The following PNLDC1 variants were observed in gnomAD, a reference collection of about 807,000 sequenced individuals.
PNLDC1 encodes PARN like ribonuclease domain containing exonuclease 1, also known as poly(A)-specific ribonuclease PNLDC1.
Under a neutral mutation model 82.0 loss-of-function variants are expected in PNLDC1, and 70 were observed. The observed-to-expected ratio is 0.85, with a 90% CI of 0.70 to 1.04. PNLDC1 has a LOEUF of 1.04. Ranked by LOEUF, PNLDC1 falls within the 50% of genes least tolerant of loss-of-function variation. The pLI is 0.00. For synonymous variants in PNLDC1, 280 were observed against 249.3 expected, an observed-to-expected ratio of 1.12 and a Z score of -1.16; for missense variants, 631 against 661.1, an observed-to-expected ratio of 0.95 and a Z score of 0.50.
chr6:159,803,049 A>G (rs908327839), intron 3 of PNLDC1, among the ~76,000 whole-genome samples: 1 of 152,184 alleles, frequency 6.6e-6, no homozygotes, highest in Non-Finnish European at 1.5e-5. Context: ...TATTTGAAGA[A>G]CAGGCCACAA....
At chr6:159,801,238 C>T (rs2115021876) in intron 3 of PNLDC1, 52 bp downstream of exon 3, 1 of 1,496,848 alleles carries the variant, frequency 6.7e-7, no homozygotes, top group Non-Finnish European at 9.3e-7. Context: ...TTTTATTGTC[C>T]TTGGATTTCC....
At chr6:159,800,047 A>G (rs979074853), upstream of PNLDC1, among the ~76,000 whole-genome samples, 1 of 152,228 alleles carries the variant, frequency 6.6e-6, no homozygotes, top group Non-Finnish European at 1.5e-5. Flanking sequence ...TAAGGGCTGC[A>G]AAGAAATTGC....
intron 10 of PNLDC1, among the ~76,000 whole-genome samples, chr6:159,811,403 A>AT (rs1411953692): frequency 6.6e-6 from 1 of 152,118 alleles, no homozygotes; most frequent in Non-Finnish European, 1.5e-5. Flanking sequence ...TAATACTTCT[A>AT]TTTTTAAGTC....
At chr6:159,803,678 A>AC (rs769783204) in intron 4 of PNLDC1, among the ~76,000 whole-genome samples, 3 of 151,476 alleles carry the variant, frequency 2.0e-5, no homozygotes, top group Admixed American at 6.6e-5. Context: ...ATGCCTCCCC[A>AC]CCCCCCATGA....
At chr6:159,813,784 C>T (rs541519399) in intron 12 of PNLDC1, 128 bp downstream of exon 12, 266 of 767,164 alleles carry the variant, frequency 3.5e-4, no homozygotes, top group Non-Finnish European at 4.5e-4. Context: ...TTGGTCTCCT[C>T]CAGCTCCTCC....
intron 9 of PNLDC1, 137 bp downstream of exon 9, chr6:159,809,295 A>G: frequency 8.5e-7 from 1 of 1,172,708 alleles, no homozygotes; most frequent in East Asian, 2.5e-5. Flanking sequence ...TTCATGTTTT[A>G]CTTTCAGATA....
chr6:159,807,704 A>G (rs1242462656), intron 7 of PNLDC1, among the ~76,000 whole-genome samples: 1 of 152,358 alleles, frequency 6.6e-6, no homozygotes, highest in East Asian at 1.9e-4. Context: ...TAAGAGATCT[A>G]TTCTAGGTGT....
At position 159,820,616 on chromosome 6, in the gene PNLDC1, C is replaced by T; in HGVS notation, c.*99C>T. 8.7e-7 allele frequency: 1 copy of T among 1,152,638 alleles called. No homozygotes were observed. Among genetic ancestry groups the T allele is most frequent in the Non-Finnish European group, 1.3e-6 (1 of 770,324 alleles). 71.4% of individuals were successfully genotyped at this position (1,152,638 alleles called of 1,614,324 possible). Reference sequence around the variant, plus strand: ...AATCAGATTCTGTTTGCAGATGGATCTGTTTGGTCTTTTCTAGAAATTCTG... The same window carrying T: ...AATCAGATTCTGTTTGCAGATGGATTTGTTTGGTCTTTTCTAGAAATTCTG... On this transcript the variant is annotated 3_prime_UTR_variant, in exon 19 of 19. Coordinates refer to ENST00000392167, the MANE Select transcript of PNLDC1 (RefSeq NM_001271862.2).
At chr6:159,812,460 G>C (rs887469113) in intron 11 of PNLDC1, among the ~76,000 whole-genome samples, 1 of 152,152 alleles carries the variant, frequency 6.6e-6, no homozygotes, top group African/African-American at 2.4e-5. Flanking sequence ...GAGCACTGGG[G>C]GGGAGGGGGT....
chr6:159,800,985 T>C, intron 2 of PNLDC1, 128 bp from the exon 3 acceptor site: 1 of 1,428,364 alleles, frequency 7.0e-7, no homozygotes, highest in Middle Eastern at 1.8e-4. Flanking sequence ...TAAATGATGG[T>C]AGTGCTCCCT....
chr6:159,813,761 G>C, intron 12 of PNLDC1, 105 bp downstream of exon 12: 2 of 992,088 alleles, frequency 2.0e-6, no homozygotes. Context: ...TCACAGTGAT[G>C]CCTGCTTGGG....
In PNLDC1 at chr6:159,809,149, A is replaced by G. The variant is rs1781559562; in HGVS notation, c.774A>G (p.Lys258=). The change falls in exon 9 of 19, where the codon AAA becomes AAG. Residue 258 remains lysine (K), a synonymous_variant. Coordinates refer to ENST00000392167, the MANE Select transcript of PNLDC1 (RefSeq NM_001271862.2). ...GFSVFFQMLV[K]AQKPLVGHNM... is the part of the protein sequence containing the mutation. ...CTGTCTTTTTCCAAATGCTGGTGAA[A>G]GCCCAGAAGGTAGGAAAACATGTCT... 2 of 1,613,802 alleles carry G rather than the reference A, an allele frequency of 1.2e-6. No individual in the cohort carries two copies. The highest frequency in any genetic ancestry group is 1.7e-5 in the Admixed American group (1 of 59,886).
intron 7 of PNLDC1, 63 bp from the exon 8 acceptor site, chr6:159,808,677 C>G: frequency 6.8e-7 from 1 of 1,474,324 alleles, no homozygotes; most frequent in South Asian, 1.2e-5. Context: ...TCCAGGGCTT[C>G]TCTTGTGGGG....
rs527366235 is a variant in PNLDC1, at chr6:159,813,956, C to G, written c.995+300C>G. Among the ~76,000 whole-genome samples the G allele has an allele frequency of 2.0e-5, 3 of 152,300 alleles. No individual in the cohort carries two copies. In the East Asian group the frequency reaches 5.8e-4, roughly 29 times the overall value. On this transcript the variant is annotated intron_variant, in intron 12 of 18. Transcript: ENST00000392167. Reference sequence around the variant, plus strand: ...CTGTCACCAGCAAATGGAGCACCTTCCCTGTGCAAGGCCAGGCAGGAGGAG... The same window carrying G: ...CTGTCACCAGCAAATGGAGCACCTTGCCTGTGCAAGGCCAGGCAGGAGGAG...
chr6:159,808,564 C>T (rs1781533769), intron 7 of PNLDC1, among the ~76,000 whole-genome samples, 176 bp from the exon 8 acceptor site: 1 of 152,216 alleles, frequency 6.6e-6, no homozygotes, highest in South Asian at 2.1e-4. Flanking sequence ...GAATGCTGCC[C>T]CAGATCCCAT....
Position 159,804,112 on chromosome 6 carries a change from G to A in PNLDC1, c.372+24G>A, listed in dbSNP as rs746249765. 22 of 1,610,224 alleles carry A rather than the reference G, an allele frequency of 1.4e-5. 1 individual carries two copies. The highest frequency in any genetic ancestry group is 1.2e-4 in the South Asian group (11 of 90,562). ...AGGTATGGCATTGGAGGAGGGGAAC[G>A]GGAATGTCTTTTGTTTGTTTCTGAG... On this transcript the variant is annotated intron_variant, in intron 5 of 18. Transcript: ENST00000392167.
In PNLDC1 at chr6:159,808,457, T is replaced by A. The variant is rs79443174; in HGVS notation, c.563-283T>A. Reference sequence around the variant, plus strand: ...TGTAAGAGTTTTAATTTCTAACATGTTTAATATCAATAGCTGTAACTCACA... The same window carrying A: ...TGTAAGAGTTTTAATTTCTAACATGATTAATATCAATAGCTGTAACTCACA... On this transcript the variant is annotated intron_variant, in intron 7 of 18. Transcript: ENST00000392167. 4.2e-3 allele frequency among the ~76,000 whole-genome samples: 646 copies of A among 152,164 alleles called. 4 individuals are homozygous for A. Among genetic ancestry groups the A allele is most frequent in the African/African-American group, 0.015 (610 of 41,516 alleles).
chr6:159,815,150 A>G (rs1360124104), intron 12 of PNLDC1, among the ~76,000 whole-genome samples: 1 of 152,224 alleles, frequency 6.6e-6, no homozygotes, highest in Non-Finnish European at 1.5e-5. Flanking sequence ...GTCAAGTTTT[A>G]TGGACTTGAC....
intron 3 of PNLDC1, among the ~76,000 whole-genome samples, chr6:159,801,438 G>A (rs147601923): frequency 6.6e-6 from 1 of 152,220 alleles, no homozygotes; most frequent in East Asian, 1.9e-4. Flanking sequence ...GTAAAACTGT[G>A]TGTGTGCGAT....
Sources: allele counts gnomAD v4.1 joint callset (sites outside exome capture counted in the v4.1 genomes callset), GRCh38; gene constraint gnomAD v4.1.1; transcripts MANE v1.5; gene names NCBI Gene and HGNC (gene_info 2026-07-23, HGNC 2026-07-21).